The following ASTN2 variants were observed in gnomAD, a reference collection of about 807,000 sequenced individuals.
The protein encoded by ASTN2 is astrotactin 2.
A neutral mutation model predicts 139.8 loss-of-function variants in ASTN2; 54 were observed. The ratio of observed to expected loss-of-function variants is 0.39; its 90% CI spans 0.31 to 0.48. ASTN2 has a LOEUF of 0.48. Among genes scored for constraint, ASTN2 ranks in the 20% least tolerant of loss-of-function variants. The pLI is 0.95. For missense variants in ASTN2, 1,565 were observed against 1,725.1 expected (o/e 0.91, Z 1.64); for synonymous variants, 756 against 719.5 (o/e 1.05, Z -0.81).
At chr9:116,852,909 A>ACACACAC (rs1832649324) in intron 11 of ASTN2, among the ~76,000 whole-genome samples, 1 of 151,530 alleles carries the variant, frequency 6.6e-6, no homozygotes, top group African/African-American at 2.4e-5. Flanking sequence ...ACACACACAC[A>ACACACAC]CACACACACG....
intron 19 of ASTN2, chr9:116,585,141 C>T (rs1043888056): frequency 2.6e-5 from 4 of 152,132 alleles, no homozygotes; most frequent in Admixed American, 2.0e-4. Flanking sequence ...TAAAAATTAT[C>T]TGGTTCAGGA....
Position 116,976,146 on chromosome 9 carries a change from C to T in ASTN2, c.1719G>A (p.Val573=). Residue 573 remains valine (V), a synonymous_variant, in exon 9 of 23, where the codon GTG becomes GTA. Transcript: ENST00000313400. ...YTTLERGYDL[V]TGEQAPEKIL... Reference sequence around the variant, plus strand: ...TCTTTTCAGGGGCTTGCTCCCCTGTCACCAGATCATAGCCCCTCTCAAGTG... The same window carrying T: ...TCTTTTCAGGGGCTTGCTCCCCTGTTACCAGATCATAGCCCCTCTCAAGTG... The T allele has an allele frequency of 2.5e-6, 4 of 1,614,162 alleles. No individual in the cohort carries two copies. Among genetic ancestry groups the T allele is most frequent in the Non-Finnish European group, 3.4e-6 (4 of 1,180,012 alleles).
chr9:116,487,469 G>A lies in ASTN2; in HGVS notation c.3387C>T (p.Leu1129=). The change falls in exon 20 of 23, where the codon CTC becomes CTT. Residue 1129 remains leucine (L), a synonymous_variant. Transcript: ENST00000313400. ...CTACACAAGATGTGCCCAGGCCAGA[G>A]AGTAAGTCATCAGCAAAACTCAGGA... The part of the protein sequence containing the change: ...GEFLSFADDL[L]SGLGTSCVAA... The A allele has an allele frequency of 6.2e-7, 1 of 1,613,974 alleles. No homozygotes were observed. The highest frequency in any genetic ancestry group is 8.5e-7 in the Non-Finnish European group (1 of 1,179,962).
intron 18 of ASTN2, among the ~76,000 whole-genome samples, chr9:116,619,658 G>T (rs7872429): frequency 0.43 from 64,537 of 148,744 alleles, 14,868 homozygotes; most frequent in East Asian, 0.71. Flanking sequence ...ATAGTAGCTG[G>T]GACTACAGGC....
At chr9:116,858,483 C>T (rs926824553) in intron 11 of ASTN2, among the ~76,000 whole-genome samples, 2 of 152,136 alleles carry the variant, frequency 1.3e-5, no homozygotes, top group Admixed American at 6.5e-5. Context: ...AAGTGTCCTC[C>T]ATACGATGCT....
At chr9:116,587,683 T>C (rs1854213573) in intron 19 of ASTN2, among the ~76,000 whole-genome samples, 1 of 152,192 alleles carries the variant, frequency 6.6e-6, no homozygotes, top group African/African-American at 2.4e-5. Context: ...CACTTCTTAC[T>C]AGTTATATGT....
chr9:116,431,063 GTT>G (rs1369386442), intron 22 of ASTN2, among the ~76,000 whole-genome samples: 1 of 152,176 alleles, frequency 6.6e-6, no homozygotes, highest in Non-Finnish European at 1.5e-5. Flanking sequence ...CTAATTTATT[GTT>G]TTATCAGCAG....
intron 6 of ASTN2, 100 bp from the exon 7 acceptor site, chr9:117,008,359 T>A: frequency 9.4e-7 from 1 of 1,068,596 alleles, no homozygotes; most frequent in Non-Finnish European, 1.3e-6. Context: ...GTTCCCCAGG[T>A]CATCTGATCT....
chr9:116,702,784 T>C (rs1827866585), intron 16 of ASTN2, among the ~76,000 whole-genome samples: 1 of 152,140 alleles, frequency 6.6e-6, no homozygotes, highest in Admixed American at 6.6e-5. Context: ...AGTGGTTACA[T>C]AGAATTTAAG....
intron 17 of ASTN2, among the ~76,000 whole-genome samples, 191 bp from the exon 18 acceptor site, chr9:116,620,634 A>G (rs1856092527): frequency 1.3e-5 from 2 of 152,132 alleles, no homozygotes; most frequent in African/African-American, 4.8e-5. Flanking sequence ...TCCCCTCCCC[A>G]GGAGCCACAA....
intron 12 of ASTN2, among the ~76,000 whole-genome samples, chr9:116,808,845 T>C (rs963261791): frequency 6.6e-6 from 1 of 152,186 alleles, no homozygotes; most frequent in African/African-American, 2.4e-5. Context: ...CAATCTAGGA[T>C]AGGAAAAATA....
At chr9:117,139,098 T>C (rs963879666) in intron 4 of ASTN2, among the ~76,000 whole-genome samples, 2 of 152,144 alleles carry the variant, frequency 1.3e-5, no homozygotes, top group East Asian at 3.9e-4. Flanking sequence ...ATGGAATATG[T>C]ATGTGTGGAG....
chr9:116,609,328 C>CTCTA lies in ASTN2; in HGVS notation c.3355+8995_3355+8996insTAGA, dbSNP rs140484650. Among the ~76,000 whole-genome samples the CTCTA allele has an allele frequency of 4.5e-4, 55 of 122,534 alleles. No individual in the cohort carries two copies. In the South Asian group the frequency reaches 6.6e-3, roughly 15 times the overall value. 80.4% of individuals were successfully genotyped at this position (122,534 alleles called of 152,430 possible). On this transcript the variant is annotated intron_variant, in intron 19 of 22. Coordinates refer to ENST00000313400, the MANE Select transcript of ASTN2 (RefSeq NM_001365068.1). Reference sequence around the variant, plus strand: ...TCTCTCTCTCTCTCTCTCTCTCTCTCTATATATATATACACACACACACAT... The same window carrying CTCTA: ...TCTCTCTCTCTCTCTCTCTCTCTCTCTCTATATATATATATACACACACACACAT...
At chr9:117,209,820 C>T (rs1273973615) in intron 3 of ASTN2, among the ~76,000 whole-genome samples, 2 of 152,102 alleles carry the variant, frequency 1.3e-5, no homozygotes, top group Non-Finnish European at 2.9e-5. Context: ...AAACAAATCT[C>T]AGAAAATTTT....
chr9:116,728,153 C>T (rs1395052660), intron 15 of ASTN2, among the ~76,000 whole-genome samples: 3 of 151,966 alleles, frequency 2.0e-5, no homozygotes, highest in Admixed American at 6.6e-5. Context: ...AAAATTCCTC[C>T]ATCATACATG....
chr9:116,637,122 G>A (rs10114569), intron 17 of ASTN2, among the ~76,000 whole-genome samples: 3 of 152,102 alleles, frequency 2.0e-5, no homozygotes, highest in Non-Finnish European at 2.9e-5. Flanking sequence ...ATAAAATTCC[G>A]TATAAATTAC....
intron 11 of ASTN2, among the ~76,000 whole-genome samples, chr9:116,830,413 G>T (rs1831772291): frequency 1.8e-5 from 1 of 54,704 alleles, no homozygotes; most frequent in African/African-American, 5.7e-5. Context: ...ACAGTATGAA[G>T]GTTTTTTTTT....
At chr9:116,558,939 TTGAG>T in intron 19 of ASTN2, among the ~76,000 whole-genome samples, 1 of 152,374 alleles carries the variant, frequency 6.6e-6, no homozygotes, top group Middle Eastern at 3.4e-3. Context: ...TTAATATTTA[TTGAG>T]TGTCTACTAT....
At chr9:116,840,517 CA>C (rs1832193028) in intron 11 of ASTN2, among the ~76,000 whole-genome samples, 1 of 117,788 alleles carries the variant, frequency 8.5e-6, no homozygotes, top group Non-Finnish European at 1.8e-5. Context: ...TGACCCCCCC[CA>C]CCTCCCTCCT....
Sources: allele counts gnomAD v4.1 joint callset (sites outside exome capture counted in the v4.1 genomes callset), GRCh38; gene constraint gnomAD v4.1.1; transcripts MANE v1.5; gene names NCBI Gene and HGNC (gene_info 2026-07-23, HGNC 2026-07-21).